The following PRR5L variants were observed in gnomAD, a reference collection of about 807,000 sequenced individuals.
The protein encoded by PRR5L is proline rich 5 like, also known as proline-rich protein 5-like.
In PRR5L, 21 loss-of-function variants were observed where a neutral mutation model predicts 36.4. That is an observed-to-expected ratio of 0.58 (90% CI 0.41 to 0.83). The LOEUF (loss-of-function observed/expected upper bound fraction) is 0.83. Among genes scored for constraint, PRR5L ranks in the 40% least tolerant of loss-of-function variants. The pLI, the probability that PRR5L is intolerant of heterozygous loss-of-function variation, is 0.00. For missense variants in PRR5L, 381 were observed against 473.3 expected (o/e 0.80, Z 1.81); for synonymous variants, 188 against 197.0 (o/e 0.95, Z 0.38).
At chr11:36,412,967 G>A (rs1858058299) in intron 3 of PRR5L, among the ~76,000 whole-genome samples, 1 of 152,136 alleles carries the variant, frequency 6.6e-6, no homozygotes, top group South Asian at 2.1e-4. Context: ...TTGGTGGGGG[G>A]AAGGTAGCTT....
chr11:36,329,337 G>A (rs1450247088), intron 1 of PRR5L: 1 of 152,058 alleles, frequency 6.6e-6, no homozygotes, highest in African/African-American at 2.4e-5. Flanking sequence ...CCAGAGCTTC[G>A]GGAAAAGGGC....
intron 8 of PRR5L, 110 bp from the exon 9 acceptor site, chr11:36,462,232 G>C: frequency 9.3e-7 from 1 of 1,079,248 alleles, no homozygotes. Context: ...GCACCTAAGA[G>C]CTGCTCCTAA....
At chr11:36,297,073 C>G (rs1274889583) in intron 1 of PRR5L, among the ~76,000 whole-genome samples, 6 of 152,192 alleles carry the variant, frequency 3.9e-5, no homozygotes, top group East Asian at 1.9e-4. Context: ...CAGATAGATA[C>G]TTTATGATCT....
intron 3 of PRR5L, among the ~76,000 whole-genome samples, chr11:36,417,791 C>T (rs186859857): frequency 2.0e-5 from 3 of 152,216 alleles, no homozygotes; most frequent in East Asian, 1.9e-4. Context: ...CATGAGTGAA[C>T]GTGTTTTGGG....
At chr11:36,333,948 T>C (rs769550144) in intron 1 of PRR5L, among the ~76,000 whole-genome samples, 4 of 152,160 alleles carry the variant, frequency 2.6e-5, no homozygotes, top group East Asian at 1.9e-4. Flanking sequence ...AGTAAAGCAG[T>C]CCACACTGTC....
intron 1 of PRR5L, among the ~76,000 whole-genome samples, chr11:36,397,004 CA>C (rs1857674046): frequency 6.6e-6 from 1 of 151,946 alleles, no homozygotes; most frequent in Admixed American, 6.6e-5. Context: ...AATGATCTGC[CA>C]CACACTAGCT....
intron 1 of PRR5L, among the ~76,000 whole-genome samples, chr11:36,320,239 CTTTTTTTTTTT>C (rs34085047): frequency 1.4e-4 from 13 of 94,910 alleles, no homozygotes; most frequent in African/African-American, 4.5e-4. Context: ...AACTGGGAAT[CTTTTTTTTTTT>C]TTTTTTTTTT....
At chr11:36,361,083 A>G (rs952168604) in intron 1 of PRR5L, among the ~76,000 whole-genome samples, 2 of 152,220 alleles carry the variant, frequency 1.3e-5, no homozygotes, top group Admixed American at 6.5e-5. Flanking sequence ...AACTCATCTT[A>G]GTTGCTTGAG....
intron 1 of PRR5L, among the ~76,000 whole-genome samples, chr11:36,320,346 C>T (rs889112420): frequency 1.3e-5 from 2 of 148,786 alleles, no homozygotes; most frequent in African/African-American, 2.5e-5. Context: ...CGGGTTCAAG[C>T]GATTCTCCTG....
chr11:36,450,844 T>C (rs1196170340), intron 7 of PRR5L, among the ~76,000 whole-genome samples: 1 of 152,234 alleles, frequency 6.6e-6, no homozygotes, highest in Non-Finnish European at 1.5e-5. Context: ...GAGACCTCCG[T>C]GCATTAATAT....
chr11:36,378,658 A>T (rs1269706093), intron 1 of PRR5L, among the ~76,000 whole-genome samples: 2 of 152,192 alleles, frequency 1.3e-5, no homozygotes, highest in Non-Finnish European at 1.5e-5. Flanking sequence ...GTGAAATTTC[A>T]ATAATGTTCT....
intron 1 of PRR5L, among the ~76,000 whole-genome samples, chr11:36,373,522 C>A (rs1177043294): frequency 6.6e-6 from 1 of 151,354 alleles, no homozygotes; most frequent in African/African-American, 2.4e-5. Flanking sequence ...TCAGTTGAGC[C>A]CAGAAATTTG....
chr11:36,422,010 G>A (rs1858274864), intron 4 of PRR5L, among the ~76,000 whole-genome samples: 1 of 152,128 alleles, frequency 6.6e-6, no homozygotes, highest in Non-Finnish European at 1.5e-5. Flanking sequence ...ATGTTGCTGT[G>A]GTTTCTGTTT....
chr11:36,302,890 G>T (rs567364546), intron 1 of PRR5L, among the ~76,000 whole-genome samples: 2 of 152,158 alleles, frequency 1.3e-5, no homozygotes. Context: ...ATATGAGTTC[G>T]CCTAATCCTC....
At chr11:36,442,996 C>T (rs899907144) in intron 6 of PRR5L, among the ~76,000 whole-genome samples, 1 of 152,178 alleles carries the variant, frequency 6.6e-6, no homozygotes, top group East Asian at 1.9e-4. Context: ...TTCATAGCAA[C>T]ATTCTACTCC....
intron 1 of PRR5L, among the ~76,000 whole-genome samples, chr11:36,339,922 C>A (rs1232969754): frequency 6.6e-6 from 1 of 152,216 alleles, no homozygotes; most frequent in Non-Finnish European, 1.5e-5. Context: ...AGCTGCCAGC[C>A]CTCTGTCCCT....
chr11:36,331,835 T>C (rs139295257), intron 1 of PRR5L, among the ~76,000 whole-genome samples: 1 of 152,310 alleles, frequency 6.6e-6, no homozygotes, highest in East Asian at 1.9e-4. Context: ...GAGGTGGTTA[T>C]AATTTGGAGC....
intron 8 of PRR5L, among the ~76,000 whole-genome samples, chr11:36,459,240 A>G (rs1239454398): frequency 6.6e-6 from 1 of 152,192 alleles, no homozygotes; most frequent in Non-Finnish European, 1.5e-5. Flanking sequence ...GCACTGCCTC[A>G]AGAGGAGCAT....
At chr11:36,319,186 G>C (rs560535469) in intron 1 of PRR5L, among the ~76,000 whole-genome samples, 19 of 152,200 alleles carry the variant, frequency 1.2e-4, no homozygotes, top group Non-Finnish European at 2.1e-4. Context: ...TCATCCCTGG[G>C]ACCACAGTGA....
Sources: gnomAD v4.1 joint callset for allele counts (sites outside exome capture counted in the v4.1 genomes callset) on GRCh38, gnomAD v4.1.1 for gene constraint, MANE v1.5 for transcripts, NCBI Gene and HGNC (gene_info 2026-07-23, HGNC 2026-07-21) for gene names.